The following CADM2 variants were observed in gnomAD, a reference collection of about 807,000 sequenced individuals.
CADM2 encodes cell adhesion molecule 2.
A neutral mutation model predicts 49.8 loss-of-function variants in CADM2; 12 were observed. That is an observed-to-expected ratio of 0.24 (90% CI 0.15 to 0.39). CADM2 has a LOEUF of 0.39. Among genes scored for constraint, CADM2 ranks in the 10% least tolerant of loss-of-function variants. CADM2 has a pLI of 1.00. For missense variants in CADM2, 378 were observed against 492.3 expected, an observed-to-expected ratio of 0.77 and a Z score of 2.20; for synonymous variants, 214 against 175.4, an observed-to-expected ratio of 1.22 and a Z score of -1.74.
intron 3 of CADM2, among the ~76,000 whole-genome samples, chr3:85,879,381 A>T (rs939104288): frequency 6.6e-6 from 1 of 152,140 alleles, no homozygotes; most frequent in Non-Finnish European, 1.5e-5. Context: ...GTTCACAAAG[A>T]ATGACAGCAA....
chr3:85,049,363 A>G (rs962083476), intron 1 of CADM2, among the ~76,000 whole-genome samples: 2 of 130,370 alleles, frequency 1.5e-5, no homozygotes, highest in African/African-American at 5.1e-5. Context: ...TTATTTATTT[A>G]TTTTTGAGAT....
chr3:85,164,402 T>C (rs2040414268), intron 1 of CADM2, among the ~76,000 whole-genome samples: 2 of 152,106 alleles, frequency 1.3e-5, no homozygotes, highest in African/African-American at 4.8e-5. Flanking sequence ...TTGTGAAAGA[T>C]GTGTGGTTAA....
At chr3:85,543,433 T>TGTGTGTGTGG (rs1559899024) in intron 1 of CADM2, among the ~76,000 whole-genome samples, 12 of 148,032 alleles carry the variant, frequency 8.1e-5, no homozygotes, top group Non-Finnish European at 1.5e-4. Context: ...TGTGTGTGTG[T>TGTGTGTGTGG]GTGTGTGTGT....
chr3:85,157,539 A>G (rs1462195206), intron 1 of CADM2, among the ~76,000 whole-genome samples: 2 of 152,118 alleles, frequency 1.3e-5, no homozygotes, highest in Non-Finnish European at 2.9e-5. Flanking sequence ...AATGCCGCAT[A>G]TCTACAACTA....
At chr3:86,028,087 G>A (rs978924449) in intron 8 of CADM2, 46 of 149,998 alleles carry the variant, frequency 3.1e-4, no homozygotes, top group Middle Eastern at 3.4e-3. Flanking sequence ...GTATTAGGAG[G>A]TATACCTAAT....
intron 1 of CADM2, among the ~76,000 whole-genome samples, chr3:85,085,190 A>G (rs1433091610): frequency 1.3e-5 from 2 of 152,064 alleles, no homozygotes; most frequent in African/African-American, 4.8e-5. Context: ...GAAACTTTGT[A>G]ACCTTTTACT....
At chr3:85,208,894 C>T (rs933658689) in intron 1 of CADM2, among the ~76,000 whole-genome samples, 2 of 152,074 alleles carry the variant, frequency 1.3e-5, no homozygotes, top group African/African-American at 4.8e-5. Flanking sequence ...AAATGATGTT[C>T]CCAATCAGAG....
chr3:85,460,387 T>A (rs1325871290), intron 1 of CADM2, among the ~76,000 whole-genome samples: 1 of 152,138 alleles, frequency 6.6e-6, no homozygotes, highest in African/African-American at 2.4e-5. Flanking sequence ...AAATTAATAA[T>A]TGATTTTGTA....
intron 2 of CADM2, among the ~76,000 whole-genome samples, chr3:85,791,413 C>T (rs1003025493): frequency 6.6e-6 from 1 of 151,814 alleles, no homozygotes; most frequent in Non-Finnish European, 1.5e-5. Flanking sequence ...TATTTTTAGA[C>T]TCTAATTTAG....
intron 1 of CADM2, among the ~76,000 whole-genome samples, chr3:85,162,656 A>G (rs1341776375): frequency 1.3e-5 from 2 of 152,124 alleles, no homozygotes; most frequent in African/African-American, 2.4e-5. Flanking sequence ...AATGACATCT[A>G]TACACTGTTA....
chr3:85,675,542 T>C (rs944073813), intron 1 of CADM2, among the ~76,000 whole-genome samples: 1 of 152,180 alleles, frequency 6.6e-6, no homozygotes, highest in Non-Finnish European at 1.5e-5. Flanking sequence ...CTGTGATGTG[T>C]CTTCTGTTCT....
At chr3:85,794,708 C>T (rs1559661990) in intron 2 of CADM2, among the ~76,000 whole-genome samples, 3 of 151,950 alleles carry the variant, frequency 2.0e-5, no homozygotes, top group African/African-American at 7.2e-5. Context: ...ATGATATGAC[C>T]AATGTATATT....
intron 8 of CADM2, among the ~76,000 whole-genome samples, chr3:86,024,208 G>A (rs1222703489): frequency 6.6e-6 from 1 of 152,152 alleles, no homozygotes; most frequent in Non-Finnish European, 1.5e-5. Flanking sequence ...ATAGTAGGCT[G>A]ACCCCTTTAA....
chr3:86,014,238 T>C, intron 8 of CADM2: 1 of 1,306,294 alleles, frequency 7.7e-7, no homozygotes, highest in Non-Finnish European at 1.0e-6. Context: ...TGGCAGAGCA[T>C]TTATACTCTG....
chr3:85,471,983 G>GT (rs1478825058), intron 1 of CADM2, among the ~76,000 whole-genome samples: 1 of 151,740 alleles, frequency 6.6e-6, no homozygotes, highest in African/African-American at 2.4e-5. Flanking sequence ...CAATCTCTAC[G>GT]TAAGTGTAGT....
chr3:85,849,364 C>A (rs182133258), intron 3 of CADM2, among the ~76,000 whole-genome samples: 1 of 152,294 alleles, frequency 6.6e-6, no homozygotes. Flanking sequence ...ATATATGCTA[C>A]TGTTTACTGA....
intron 8 of CADM2, among the ~76,000 whole-genome samples, chr3:85,980,589 C>A (rs1376606565): frequency 6.6e-6 from 1 of 151,200 alleles, no homozygotes; most frequent in Non-Finnish European, 1.5e-5. Flanking sequence ...GTGTGAAGGT[C>A]TTTCTTGTAA....
At position 85,538,101 on chromosome 3, in the gene CADM2, A is replaced by G. The variant is rs146485972; in HGVS notation, c.62-188421A>G. On this transcript the variant is annotated intron_variant, in intron 1 of 9. Transcript: ENST00000383699. ...AACCAAGATATATAAGATTTGCTTTAATATTGCCATTTTTGTCTATAGTAC... is the reference window on the plus strand; with the variant it reads ...AACCAAGATATATAAGATTTGCTTTGATATTGCCATTTTTGTCTATAGTAC... Among the ~76,000 whole-genome samples the G allele has an allele frequency of 2.1e-3, 326 of 152,256 alleles. 2 individuals carry two copies. The highest frequency in any genetic ancestry group is 7.4e-3 in the African/African-American group (309 of 41,560).
intron 8 of CADM2, among the ~76,000 whole-genome samples, chr3:86,043,700 G>GA (rs773978364): frequency 3.3e-5 from 5 of 152,112 alleles, no homozygotes; most frequent in Non-Finnish European, 7.4e-5. Flanking sequence ...CACAGAATTG[G>GA]AAAAAACTAC....
Sources: allele counts gnomAD v4.1 joint callset (sites outside exome capture counted in the v4.1 genomes callset), GRCh38; gene constraint gnomAD v4.1.1; transcripts MANE v1.5; gene names NCBI Gene and HGNC (gene_info 2026-07-23, HGNC 2026-07-21).